The following FBXW10B variants were observed in gnomAD, a reference collection of about 807,000 sequenced individuals.
FBXW10B encodes F-box and WD repeat domain containing protein 10B.
the FBXW10B span, among the ~76,000 whole-genome samples, chr17:15,584,576 A>T: frequency 1.3e-5 from 2 of 152,252 alleles, no homozygotes; most frequent in Admixed American, 6.5e-5. Context: ...ACAGTTTGCA[A>T]TTGGAGTACC....
At chr17:15,594,757 T>C in the FBXW10B span, 2 of 1,613,848 alleles carry the variant, frequency 1.2e-6, no homozygotes, top group African/African-American at 1.3e-5. Flanking sequence ...CTTGGGATGC[T>C]TGAAGGCCAT....
chr17:15,615,478 A>C, the FBXW10B span: 121 of 887,414 alleles, frequency 1.4e-4, 1 homozygote, highest in African/African-American at 2.1e-3. Context: ...GCGCCCGGCT[A>C]ATTTTTTTGT....
At chr17:15,602,624 GTTTTT>G in the FBXW10B span, among the ~76,000 whole-genome samples, 1 of 75,398 alleles carries the variant, frequency 1.3e-5, no homozygotes. Context: ...TTGAGACCGA[GTTTTT>G]TTTTTTTTTT....
chr17:15,607,650 C>T, the FBXW10B span: 10 of 1,613,538 alleles, frequency 6.2e-6, no homozygotes, highest in Non-Finnish European at 7.6e-6. Flanking sequence ...TGCGTTTCCT[C>T]GTTCTGGTAT....
the FBXW10B span, chr17:15,612,923 G>C: frequency 6.8e-7 from 1 of 1,466,544 alleles, no homozygotes; most frequent in South Asian, 1.3e-5. Flanking sequence ...GGCAAAATCT[G>C]AAGGATGGGT....
the FBXW10B span, chr17:15,573,840 C>T: frequency 5.8e-6 from 2 of 344,556 alleles, no homozygotes; most frequent in Non-Finnish European, 9.9e-6. Flanking sequence ...GCAACATAGA[C>T]ATTTTCTATA....
the FBXW10B span, among the ~76,000 whole-genome samples, chr17:15,618,556 GAAA>G: frequency 7.2e-6 from 1 of 138,602 alleles, no homozygotes; most frequent in African/African-American, 2.7e-5. Context: ...TAGAGTGAAT[GAAA>G]AAAAAAAAAA....
the FBXW10B span, chr17:15,566,252 G>T: frequency 6.2e-7 from 1 of 1,610,404 alleles, no homozygotes; most frequent in South Asian, 1.1e-5. Context: ...AGGAGGAATT[G>T]GTCAGGTGAC....
At chr17:15,607,573 C>A in the FBXW10B span, 2 of 1,612,374 alleles carry the variant, frequency 1.2e-6, no homozygotes, top group Non-Finnish European at 1.7e-6. Context: ...CCAGTACCTA[C>A]GTGTCAGAGA....
At chr17:15,576,116 G>GT in the FBXW10B span, among the ~76,000 whole-genome samples, 1 of 152,084 alleles carries the variant, frequency 6.6e-6, no homozygotes, top group African/African-American at 2.4e-5. Context: ...TGTAGACACC[G>GT]TTCATCTACT....
the FBXW10B span, chr17:15,613,801 T>G: frequency 2.5e-6 from 4 of 1,608,654 alleles, no homozygotes; most frequent in African/African-American, 5.5e-5. Context: ...AGGGGAGGTG[T>G]CTGGGAAATC....
the FBXW10B span, among the ~76,000 whole-genome samples, chr17:15,595,978 A>G: frequency 6.8e-6 from 1 of 147,266 alleles, no homozygotes; most frequent in Non-Finnish European, 1.5e-5. Context: ...TCCCTGATTC[A>G]AGCAATTTTC....
At chr17:15,589,032 G>A in the FBXW10B span, 4 of 1,609,498 alleles carry the variant, frequency 2.5e-6, no homozygotes, top group African/African-American at 4.1e-5. Context: ...CTGTGGTTGG[G>A]GCCATCCCGC....
chr17:15,614,446 A>G, the FBXW10B span, among the ~76,000 whole-genome samples: 61,366 of 151,650 alleles, frequency 0.4, 14,908 homozygotes, highest in African/African-American at 0.68. Context: ...CGCCCGCCTC[A>G]GCCTGCCAAA....
the FBXW10B span, among the ~76,000 whole-genome samples, chr17:15,583,862 T>G: frequency 7.1e-6 from 1 of 140,154 alleles, no homozygotes; most frequent in African/African-American, 3.2e-5. Flanking sequence ...ATTTTAAGGG[T>G]TTTTTTTAAG....
the FBXW10B span, among the ~76,000 whole-genome samples, chr17:15,590,195 C>G: frequency 2.0e-5 from 3 of 151,926 alleles, no homozygotes; most frequent in South Asian, 6.3e-4. Flanking sequence ...ATCTTCTCCC[C>G]TCCTGGAGTC....
chr17:15,601,678 C>G, the FBXW10B span, among the ~76,000 whole-genome samples: 3 of 152,278 alleles, frequency 2.0e-5, no homozygotes, highest in East Asian at 3.9e-4. Context: ...AGAAAGAACA[C>G]AGATGATCTA....
the FBXW10B span, among the ~76,000 whole-genome samples, chr17:15,576,408 T>G: frequency 6.6e-6 from 1 of 152,190 alleles, no homozygotes; most frequent in Non-Finnish European, 1.5e-5. Context: ...ATAAAATGCT[T>G]AACAGACAGC....
chr17:15,577,990 G>C, the FBXW10B span, among the ~76,000 whole-genome samples: 1 of 148,870 alleles, frequency 6.7e-6, no homozygotes. Flanking sequence ...AGAACGGAGA[G>C]AGAAAATGTC....
Sources: gnomAD v4.1 joint callset for allele counts (sites outside exome capture counted in the v4.1 genomes callset) on GRCh38, gnomAD v4.1.1 for gene constraint, MANE v1.5 for transcripts, NCBI Gene and HGNC (gene_info 2026-07-23, HGNC 2026-07-21) for gene names.